Variants in CLEC12A observed in about 807,000 individuals in gnomAD.
CLEC12A encodes the protein C-type lectin domain family 12 member A.
CLEC12A carries 22 observed loss-of-function variants against 26.5 expected under a neutral mutation model. The observed-to-expected ratio is 0.83, with a 90% confidence interval of 0.59 to 1.19. The LOEUF (loss-of-function observed/expected upper bound fraction) is 1.19. Ranked by LOEUF, CLEC12A falls within the 50% of genes most tolerant of loss-of-function variation. The probability of loss-of-function intolerance (pLI) is 0.00; values close to 1 mark genes in which losing one functional copy is unlikely to be tolerated. For synonymous variants in CLEC12A, 119 were observed against 101.9 expected (o/e 1.17, Z -1.01); for missense variants, 353 against 315.6 (o/e 1.12, Z -0.90).
chr12:9,952,366 G>A (rs1157950194), intron 1 of CLEC12A, among the ~76,000 whole-genome samples: 2 of 150,994 alleles, frequency 1.3e-5, no homozygotes, highest in East Asian at 2.0e-4. Context: ...TGGTGGAGAC[G>A]GGGTTTCGCT....
At chr12:9,971,133 G>A (rs138671693), upstream of CLEC12A, among the ~76,000 whole-genome samples, 269 of 152,220 alleles carry the variant, frequency 1.8e-3, 1 homozygote, top group Non-Finnish European at 3.4e-3. Context: ...GGCCACAGCT[G>A]CAGATTAGTG....
intron 1 of CLEC12A, among the ~76,000 whole-genome samples, chr12:9,973,421 T>A (rs1281925390): frequency 6.6e-6 from 1 of 152,030 alleles, no homozygotes; most frequent in East Asian, 1.9e-4. Context: ...GCGAGTGTAC[T>A]CCAGTCTGGG....
intron 1 of CLEC12A, among the ~76,000 whole-genome samples, chr12:9,961,228 T>A (rs1863823573): frequency 6.6e-6 from 1 of 152,188 alleles, no homozygotes; most frequent in African/African-American, 2.4e-5. Context: ...GAGAGAGACT[T>A]AAGTATTAAT....
At chr12:9,993,323 A>G (rs770823203) in intron 4 of CLEC12A, 3 of 1,572,928 alleles carry the variant, frequency 1.9e-6, no homozygotes, top group South Asian at 1.1e-5. Context: ...TCCTTTGAAA[A>G]CTGAGCAAAC....
intron 1 of CLEC12A, among the ~76,000 whole-genome samples, chr12:9,972,863 C>G (rs1420699426): frequency 1.3e-5 from 2 of 151,910 alleles, no homozygotes; most frequent in Admixed American, 1.3e-4. Context: ...TATATTTCTT[C>G]TTTTATACAC....
At chr12:9,978,943 T>C in intron 1 of CLEC12A, 23 bp from the exon 2 acceptor site, 1 of 1,556,216 alleles carries the variant, frequency 6.4e-7, no homozygotes, top group Non-Finnish European at 8.9e-7. Context: ...TTTAGGCCTC[T>C]CTGTTAATTT....
chr12:9,998,354 G>A (rs754369087), downstream of CLEC12A: 136 of 1,613,722 alleles, frequency 8.4e-5, no homozygotes, highest in East Asian at 1.3e-4. Context: ...GCCATCACAC[G>A]CCACCAGGAG....
chr12:9,962,287 GT>G, intron 1 of CLEC12A, among the ~76,000 whole-genome samples: 1 of 130,262 alleles, frequency 7.7e-6, no homozygotes, highest in South Asian at 2.5e-4. Flanking sequence ...CCAAGTGTGT[GT>G]TTCTTTTTGG....
At chr12:9,972,854 A>G (rs1212162928) in intron 1 of CLEC12A, among the ~76,000 whole-genome samples, 2 of 152,024 alleles carry the variant, frequency 1.3e-5, no homozygotes, top group African/African-American at 4.8e-5. Flanking sequence ...TTCCTTGTTT[A>G]TATTTCTTCT....
chr12:9,977,468 C>G (rs1864383838), intron 1 of CLEC12A, among the ~76,000 whole-genome samples: 1 of 152,180 alleles, frequency 6.6e-6, no homozygotes, highest in South Asian at 2.1e-4. Flanking sequence ...CATCATTTTT[C>G]ACATTGGCCA....
Position 9,983,126 on chromosome 12 carries a change from G to A in CLEC12A, c.641+997G>A, listed in dbSNP as rs185070393. On this transcript the variant is annotated intron_variant, in intron 5 of 5. Coordinates refer to ENST00000304361, the MANE Select transcript of CLEC12A (RefSeq NM_138337.6). ...TTCTACAACAAACATTTAAGTGTAG[G>A]TGTCTTTTTTTTAATATAATAATTC... Among the ~76,000 whole-genome samples, 104 of 152,170 alleles carry A rather than the reference G, an allele frequency of 6.8e-4. 1 individual carries two copies. The highest frequency in any genetic ancestry group is 3.4e-3 in the Middle Eastern group (1 of 294).
chr12:9,957,898 A>G (rs1863768949), intron 1 of CLEC12A, among the ~76,000 whole-genome samples: 1 of 152,222 alleles, frequency 6.6e-6, no homozygotes, highest in Non-Finnish European at 1.5e-5. Flanking sequence ...TTCCTTTCAC[A>G]TCTGTAATAG....
At chr12:10,001,008 G>A in the CLEC12A span, among the ~76,000 whole-genome samples, 1 of 152,104 alleles carries the variant, frequency 6.6e-6, no homozygotes, top group African/African-American at 2.4e-5. Flanking sequence ...TTCCAATAAA[G>A]CTTTACTCTG....
chr12:9,957,716 A>G (rs1172555680), intron 1 of CLEC12A, among the ~76,000 whole-genome samples: 1 of 152,202 alleles, frequency 6.6e-6, no homozygotes, highest in Non-Finnish European at 1.5e-5. Flanking sequence ...TCAGATGAGC[A>G]GAGGGTTGAC....
intron 3 of CLEC12A, among the ~76,000 whole-genome samples, chr12:9,979,902 G>A (rs111876967): frequency 5.3e-5 from 8 of 152,216 alleles, no homozygotes; most frequent in East Asian, 1.9e-4. Context: ...TGATAACAAA[G>A]TCCATAGAAA....
intron 1 of CLEC12A, among the ~76,000 whole-genome samples, chr12:9,954,546 C>G (rs985307055): frequency 2.6e-5 from 4 of 152,034 alleles, no homozygotes; most frequent in Non-Finnish European, 5.9e-5. Context: ...AATTTTGTTT[C>G]ACAACCTTTA....
At position 9,981,629 on chromosome 12, in the gene CLEC12A, G is replaced by C. The variant is rs79396339; in HGVS notation, c.532-391G>C. Among the ~76,000 whole-genome samples, 222 of 152,226 alleles carry C rather than the reference G, an allele frequency of 1.5e-3. 5 individuals are homozygous for C. The East Asian group carries it at 0.039, about 26-fold the overall frequency. On this transcript the variant is annotated intron_variant, in intron 4 of 5. Transcript: ENST00000304361. ...TTCTGTTCTGTAACCACTCACATCT[G>C]AGTGTGTGGCATTTTTTTCCTACTC...
At chr12:9,969,236 G>A (rs747497751), upstream of CLEC12A, among the ~76,000 whole-genome samples, 1 of 152,206 alleles carries the variant, frequency 6.6e-6, no homozygotes. Flanking sequence ...ATAGCTAAAA[G>A]AGAAGAAATG....
At chr12:9,995,289 C>T (rs758112339) in exon 5 of CLEC12A, 11 of 1,509,004 alleles carry the variant, frequency 7.3e-6, no homozygotes, top group Non-Finnish European at 1.0e-5. Context: ...AATCCCTCCA[C>T]AGCTCTTGGT....
Sources: allele counts gnomAD v4.1 joint callset (sites outside exome capture counted in the v4.1 genomes callset), GRCh38; gene constraint gnomAD v4.1.1; transcripts MANE v1.5; gene names NCBI Gene and HGNC (gene_info 2026-07-23, HGNC 2026-07-21).